JRK: variants seen among roughly 807,000 people sequenced by gnomAD.
The protein encoded by JRK is Jrk helix-turn-helix protein.
For synonymous variants in JRK, 303 were observed against 218.1 expected (o/e 1.39, Z -3.43); for missense variants, 720 against 509.2 (o/e 1.41, Z -3.98).
At chr8:142,669,679 C>A (rs1847262392) in intron 1 of JRK, among the ~76,000 whole-genome samples, 2 of 151,650 alleles carry the variant, frequency 1.3e-5, no homozygotes, top group Admixed American at 1.3e-4. Context: ...GGGGGCCGCG[C>A]GCTCAGGCCG....
rs1333711554 is a variant in JRK at position 142,659,854 on chromosome 8, C to G, written c.*4498G>C. On this transcript the variant is annotated 3_prime_UTR_variant, in exon 2 of 2. Coordinates refer to ENST00000612905, the MANE Select transcript of JRK (RefSeq NM_003724.4). ...TCAGCAACTTCACACCTGCCCCTCCCTGGGCCCCAGTCTCATCCCTAAACA... is the reference window on the plus strand; with the variant it reads ...TCAGCAACTTCACACCTGCCCCTCCGTGGGCCCCAGTCTCATCCCTAAACA... 3.0e-6 allele frequency: 3 copies of G among 985,534 alleles called. No homozygotes were observed. In the African/African-American group the frequency reaches 5.2e-5, roughly 17 times the overall value. 61.0% of individuals were successfully genotyped at this position (985,534 alleles called of 1,614,324 possible). A position where few individuals can be genotyped will look rare whatever the true frequency, so the allele number is the denominator to read the frequency against.
At position 142,663,484 on chromosome 8, in the gene JRK, GTC is replaced by G; in HGVS notation, c.*866_*867del. On this transcript the variant is annotated 3_prime_UTR_variant, in exon 2 of 2. Coordinates refer to ENST00000612905, the MANE Select transcript of JRK (RefSeq NM_003724.4). ...GCAAACCTAAGACTAATCTCTGAAT[GTC>G]TGATCAAGACGTATTCATGTAAAGG... The G allele has an allele frequency of 1.0e-6, 1 of 985,422 alleles. No homozygotes were observed. 61.0% of individuals were successfully genotyped at this position (985,422 alleles called of 1,614,324 possible). A position where few individuals can be genotyped will look rare whatever the true frequency, so the allele number is the denominator to read the frequency against.
rs782471587 is a variant in JRK, at chr8:142,664,875, G to A, written c.1184C>T (p.Ser395Phe). Reference protein sequence around the residue: ...LWPSVAFAEGSSSEEELEAEC... With the variant: ...LWPSVAFAEGFSSEEELEAEC... ...TGCCTCCAACTCCTCCTCAGAGGAG[G>A]AGCCTTCGGCAAACGCAACCGACGG... Residue 395 changes from serine to phenylalanine, a missense_variant, in exon 2 of 2, where the codon TCC (serine) becomes TTC (phenylalanine). By Grantham distance (155) the Ser-to-Phe change is radical. Coordinates refer to ENST00000612905, the MANE Select transcript of JRK (RefSeq NM_003724.4). 3.5e-6 allele frequency: 5 copies of A among 1,414,082 alleles called. No individual in the cohort carries two copies. The highest frequency in any genetic ancestry group is 2.3e-5 in the East Asian group (1 of 43,714). 87.6% of individuals were successfully genotyped at this position (1,414,082 alleles called of 1,614,324 possible).
the JRK span, among the ~76,000 whole-genome samples, chr8:142,651,268 C>CT: frequency 6.6e-6 from 1 of 151,570 alleles, no homozygotes; most frequent in African/African-American, 2.4e-5. Flanking sequence ...CATTGAGCTC[C>CT]TTTAAAAAAA....
At position 142,662,470 on chromosome 8, in the gene JRK, G is replaced by A. The variant is rs1554634698; in HGVS notation, c.*1882C>T. ...AGCCCAGAAATGGCACAAAGTACATGATGTGCAGAAGTTCCCCAGACAATG... is the reference window on the plus strand; with the variant it reads ...AGCCCAGAAATGGCACAAAGTACATAATGTGCAGAAGTTCCCCAGACAATG... On this transcript the variant is annotated 3_prime_UTR_variant, in exon 2 of 2. Transcript: ENST00000612905. The A allele has an allele frequency of 3.5e-6, 3 of 860,626 alleles. No individual in the cohort carries two copies. Among genetic ancestry groups the A allele is most frequent in the Non-Finnish European group, 3.9e-6 (3 of 768,806 alleles). The allele number at this position is 860,626 out of a possible 1,614,324, so 53.3% of individuals were successfully genotyped here.
chr8:142,645,894 C>A, the JRK span, among the ~76,000 whole-genome samples: 1 of 152,036 alleles, frequency 6.6e-6, no homozygotes, highest in African/African-American at 2.4e-5. Context: ...ATTTTTATAA[C>A]TTTCTTTACA....
Position 142,664,755 on chromosome 8 carries a change from C to A in JRK, c.1304G>T (p.Arg435Leu). ...CGCTACCCCCCAGCTGGCGGCCTGG[C>A]GCTGGCGAAGCTGGCCCGGGCAGGA... ...GSSCPGQLRQ[R>L]QAASWGVAGR... Residue 435 changes from arginine to leucine, a missense_variant, in exon 2 of 2, where the codon CGC (arginine) becomes CTC (leucine). Transcript: ENST00000612905. 1 of 1,592,156 alleles carries A rather than the reference C, an allele frequency of 6.3e-7. No individual in the cohort carries two copies. Among genetic ancestry groups the A allele is most frequent in the Non-Finnish European group, 8.5e-7 (1 of 1,170,126 alleles).
chr8:142,664,573 C>A lies in JRK; in HGVS notation c.1486G>T (p.Ala496Ser). ...TGCCGCTCCGCAAAGCGCAGGACTG[C>A]GTCAAAGGCCACGGCCGCCTGCTCC... is the stretch of plus-strand genomic sequence containing the variant. ...AWEQAAVAFDAVLRFAERQPC... is the reference protein window; with the variant it reads ...AWEQAAVAFDSVLRFAERQPC... The change falls in exon 2 of 2, where the codon GCA (alanine) becomes TCA (serine). Residue 496 changes from alanine to serine, a missense_variant. Transcript: ENST00000612905. 2 of 1,608,380 alleles carry A rather than the reference C, an allele frequency of 1.2e-6. No homozygotes were observed. Among genetic ancestry groups the A allele is most frequent in the East Asian group, 4.5e-5 (2 of 44,726 alleles).
At position 142,661,358 on chromosome 8, in the gene JRK, G is replaced by A. The variant is rs916881240; in HGVS notation, c.*2994C>T. The stretch of plus-strand genomic sequence containing the variant: ...GTATGGCCTCTCCTGGGCATCCCGA[G>A]GGATGGGAGCTCCCAGAGTGGAGGC... On this transcript the variant is annotated 3_prime_UTR_variant, in exon 2 of 2. Coordinates refer to ENST00000612905, the MANE Select transcript of JRK (RefSeq NM_003724.4). 1.1e-5 allele frequency: 11 copies of A among 985,366 alleles called. 1 individual carries two copies. The South Asian group carries it at 1.4e-4, about 13-fold the overall frequency. 61.0% of individuals were successfully genotyped at this position (985,366 alleles called of 1,614,324 possible). A position where few individuals can be genotyped will look rare whatever the true frequency, so the allele number is the denominator to read the frequency against.
chr8:142,660,188 C>T lies in JRK; in HGVS notation c.*4164G>A, dbSNP rs908456725. The T allele has an allele frequency of 5.8e-5, 57 of 985,392 alleles. No homozygotes were observed. Among genetic ancestry groups the T allele is most frequent in the Middle Eastern group, 5.2e-4 (1 of 1,936 alleles). The allele number at this position is 985,392 out of a possible 1,614,324, so 61.0% of individuals were successfully genotyped here. On this transcript the variant is annotated 3_prime_UTR_variant, in exon 2 of 2. Coordinates refer to ENST00000612905, the MANE Select transcript of JRK (RefSeq NM_003724.4). ...AGGCAGCTGAGTCCAACGCAGTGCC[C>T]GAGAGCTCAGCCCTTGTCAAGGAGA...
In JRK at chr8:142,664,755, C is replaced by T. The variant is rs587712483; in HGVS notation, c.1304G>A (p.Arg435His). The T allele has an allele frequency of 2.3e-4, 363 of 1,592,154 alleles. 1 individual carries two copies. The South Asian group carries it at 2.8e-3, about 12-fold the overall frequency. ...CGCTACCCCCCAGCTGGCGGCCTGG[C>T]GCTGGCGAAGCTGGCCCGGGCAGGA... ...GSSCPGQLRQ[R>H]QAASWGVAGR... The change falls in exon 2 of 2, where the codon CGC (arginine) becomes CAC (histidine). Residue 435 changes from arginine to histidine, a missense_variant. Arg to His is a conservative substitution (Grantham distance 29). Transcript: ENST00000612905.
At position 142,663,168 on chromosome 8, in the gene JRK, C is replaced by T. The variant is rs782387641; in HGVS notation, c.*1184G>A. The T allele has an allele frequency of 1.0e-6, 1 of 985,268 alleles. No homozygotes were observed. The highest frequency in any genetic ancestry group is 1.1e-4 in the East Asian group (1 of 8,822). The allele number at this position is 985,268 out of a possible 1,614,324, so 61.0% of individuals were successfully genotyped here. On this transcript the variant is annotated 3_prime_UTR_variant, in exon 2 of 2. Transcript: ENST00000612905. ...ACCCTGCCTCAAGAAAAGAAAAGGACAATGCACCTATTTTATGCTCGCTGA... is the reference window on the plus strand; with the variant it reads ...ACCCTGCCTCAAGAAAAGAAAAGGATAATGCACCTATTTTATGCTCGCTGA...
chr8:142,648,123 G>T, the JRK span, among the ~76,000 whole-genome samples: 3 of 152,224 alleles, frequency 2.0e-5, no homozygotes, highest in South Asian at 2.1e-4. Flanking sequence ...GCATTCAAGA[G>T]GTGACTTGGG....
chr8:142,665,407 C>T lies in JRK; in HGVS notation c.652G>A (p.Val218Met), dbSNP rs984310022. 2.0e-5 allele frequency: 14 copies of T among 717,718 alleles called. 1 individual carries two copies. The highest frequency in any genetic ancestry group is 4.4e-5 in the South Asian group (3 of 67,596). The allele number at this position is 717,718 out of a possible 1,614,324, so 44.5% of individuals were successfully genotyped here. A position where few individuals can be genotyped will look rare whatever the true frequency, so the allele number is the denominator to read the frequency against. Residue 218 changes from valine to methionine, a missense_variant, in exon 2 of 2, where the codon GTG becomes ATG. By Grantham distance (21) the Val-to-Met change is conservative (BLOSUM62 1). Transcript: ENST00000612905. ...GPKQGKDRLT[V>M]LMCANATGSH... ...CCCGTGGCGTTGGCACACATCAGCACGGTCAGCCGGTCCTTGCCCTGCTTG... is the reference window on the plus strand; with the variant it reads ...CCCGTGGCGTTGGCACACATCAGCATGGTCAGCCGGTCCTTGCCCTGCTTG...
Position 142,665,979 on chromosome 8 carries a change from T to A in JRK, c.80A>T (p.Asp27Val), listed in dbSNP as rs1554636005. Residue 27 changes from aspartate to valine, a missense_variant, in exon 2 of 2, where the codon GAC (aspartate) becomes GTC (valine). By Grantham distance (152) the Asp-to-Val change is radical. Transcript: ENST00000612905. ...GCCCTTCTCCAGGCGCGTGCAGATG[T>A]CAATCTTCTCCTTCAGTGTCAGCAC... is the stretch of plus-strand genomic sequence containing the variant. Reference protein sequence around the residue: ...RVVLTLKEKIDICTRLEKGES... With the variant: ...RVVLTLKEKIVICTRLEKGES... 1 of 1,190,238 alleles carries A rather than the reference T, an allele frequency of 8.4e-7. No homozygotes were observed. The highest frequency in any genetic ancestry group is 1.3e-6 in the Non-Finnish European group (1 of 793,138). 73.7% of individuals were successfully genotyped at this position (1,190,238 alleles called of 1,614,324 possible). A position where few individuals can be genotyped will look rare whatever the true frequency, so the allele number is the denominator to read the frequency against.
rs1847003343 is a variant in JRK, at chr8:142,664,104, C to T, written c.*248G>A. The T allele has an allele frequency of 7.6e-7, 1 of 1,309,454 alleles. No individual in the cohort carries two copies. Among genetic ancestry groups the T allele is most frequent in the Non-Finnish European group, 9.7e-7 (1 of 1,032,568 alleles). The allele number at this position is 1,309,454 out of a possible 1,614,324, so 81.1% of individuals were successfully genotyped here. ...CTGGCTTGTTCTAGGCTAGGGTGGA[C>T]CCTTCCAAAACATTTCCTCACTTTC... On this transcript the variant is annotated 3_prime_UTR_variant, in exon 2 of 2. Transcript: ENST00000612905.
chr8:142,649,187 TTTGAG>T, the JRK span, among the ~76,000 whole-genome samples: 1 of 152,114 alleles, frequency 6.6e-6, no homozygotes, highest in Non-Finnish European at 1.5e-5. Context: ...ACTGTTGACT[TTTGAG>T]TTAATGTTGA....
chr8:142,667,434 C>CGGAG (rs1280012754), intron 1 of JRK, among the ~76,000 whole-genome samples: 138 of 10,276 alleles, frequency 0.013, no homozygotes, highest in Admixed American at 0.027. Context: ...GACACGGAGA[C>CGGAG]ACACACACAC....
In JRK at chr8:142,666,474, C is replaced by A. The variant is rs781905155; in HGVS notation, c.-416G>T. On this transcript the variant is annotated 5_prime_UTR_variant, in exon 2 of 2. Coordinates refer to ENST00000612905, the MANE Select transcript of JRK (RefSeq NM_003724.4). ...GGTTTTACCGCATAAGCAGCAGGTG[C>A]CTCTCCAGGGTCCACAATGGTATCT... is the stretch of plus-strand genomic sequence containing the variant. The A allele has an allele frequency of 3.1e-6, 1 of 327,030 alleles. No homozygotes were observed. 20.3% of individuals were successfully genotyped at this position (327,030 alleles called of 1,614,324 possible).
Sources: allele counts gnomAD v4.1 joint callset (sites outside exome capture counted in the v4.1 genomes callset), GRCh38; gene constraint gnomAD v4.1.1; transcripts MANE v1.5; gene names NCBI Gene and HGNC (gene_info 2026-07-23, HGNC 2026-07-21).